The following DMD variants were observed in gnomAD, a reference collection of about 807,000 sequenced individuals.
DMD encodes mutant dystrophin.
DMD carries 63 observed loss-of-function variants against 330.1 expected under a neutral mutation model. That is an observed-to-expected ratio of 0.19 (90% CI 0.16 to 0.24). The LOEUF is 0.24. Among genes scored for constraint, DMD ranks in the 10% least tolerant of loss-of-function variants. The pLI is 1.00. For missense variants in DMD, 3,344 were observed against 2,684.1 expected, an observed-to-expected ratio of 1.25 and a Z score of -5.43; for synonymous variants, 1,223 against 959.8, an observed-to-expected ratio of 1.27 and a Z score of -5.07.
intron 62 of DMD, among the ~76,000 whole-genome samples, chrX:31,275,622 T>G (rs993503002): frequency 3.7e-4 from 41 of 110,984 alleles, no homozygotes; most frequent in African/African-American, 1.2e-3. Context: ...GAATTAAATT[T>G]GAGGTGGGAA....
At chrX:31,770,969 C>T (rs1335597822) in intron 51 of DMD, among the ~76,000 whole-genome samples, 11 of 111,857 alleles carry the variant, frequency 9.8e-5, no homozygotes, top group African/African-American at 3.6e-4. Context: ...TACTTAGTGG[C>T]AGCTCAATAG....
At chrX:32,859,195 C>T (rs755136602) in intron 2 of DMD, among the ~76,000 whole-genome samples, 1 of 111,179 alleles carries the variant, frequency 9.0e-6, no homozygotes, top group South Asian at 3.8e-4. Flanking sequence ...CGGCCAGGTG[C>T]AGTGGCTCAC....
At chrX:32,583,361 T>C (rs2053873715) in intron 13 of DMD, among the ~76,000 whole-genome samples, 1 of 111,063 alleles carries the variant, frequency 9.0e-6, no homozygotes, top group Non-Finnish European at 1.9e-5. Context: ...TAGCCAGGCA[T>C]GATGGTGGGC....
At chrX:31,815,860 G>A (rs192864226) in intron 50 of DMD, among the ~76,000 whole-genome samples, 6 of 111,483 alleles carry the variant, frequency 5.4e-5, no homozygotes, top group East Asian at 2.8e-4. Context: ...GCTTCCACCC[G>A]CCCTCTCTTG....
At chrX:31,880,844 T>C (rs186309366) in intron 47 of DMD, among the ~76,000 whole-genome samples, 23 of 112,593 alleles carry the variant, frequency 2.0e-4, no homozygotes, top group African/African-American at 7.1e-4. Flanking sequence ...CAGTATGCAA[T>C]ACTTGATAAT....
chrX:32,575,568 G>A (rs1266788806), intron 13 of DMD, among the ~76,000 whole-genome samples: 2 of 112,242 alleles, frequency 1.8e-5, no homozygotes, highest in Non-Finnish European at 3.8e-5. Flanking sequence ...TAATTATTAC[G>A]AAGCAGTATA....
In DMD at chrX:31,595,572, C is replaced by T. The variant is rs1010257474; in HGVS notation, c.8217+32101G>A. On this transcript the variant is annotated intron_variant, in intron 55 of 78. Coordinates refer to ENST00000357033, the MANE Select transcript of DMD (RefSeq NM_004006.3). ...GAGGTACCTCAATTTAATGACTCCCCTGAATAAAGTAATTGGTTGAAATTT... is the reference window on the plus strand; with the variant it reads ...GAGGTACCTCAATTTAATGACTCCCTTGAATAAAGTAATTGGTTGAAATTT... Among the ~76,000 whole-genome samples the T allele has an allele frequency of 3.3e-4, 37 of 111,274 alleles. No individual in the cohort carries two copies. Among genetic ancestry groups the T allele is most frequent in the African/African-American group, 1.2e-3 (37 of 30,759 alleles).
intron 1 of DMD, among the ~76,000 whole-genome samples, chrX:33,065,483 G>GCA (rs1337931520): frequency 3.6e-5 from 4 of 112,433 alleles, no homozygotes; most frequent in Non-Finnish European, 5.6e-5. Flanking sequence ...AACATGTGAA[G>GCA]CACTTTAGTA....
At chrX:32,248,223 C>T (rs777117025) in intron 43 of DMD, among the ~76,000 whole-genome samples, 1 of 111,399 alleles carries the variant, frequency 9.0e-6, no homozygotes, top group South Asian at 3.8e-4. Context: ...ACAGCCAATA[C>T]TTATATATGA....
intron 60 of DMD, among the ~76,000 whole-genome samples, chrX:31,436,352 A>T (rs2064528847): frequency 8.9e-6 from 1 of 111,746 alleles, no homozygotes; most frequent in Non-Finnish European, 1.9e-5. Context: ...TTAAATTCAT[A>T]AATATTTCTT....
chrX:31,620,307 G>A (rs113326259), intron 55 of DMD, among the ~76,000 whole-genome samples: 4,472 of 110,690 alleles, frequency 0.04, 220 homozygotes, highest in African/African-American at 0.13. Context: ...AAGGAAAAAT[G>A]AAAATTTCCA....
intron 4 of DMD, among the ~76,000 whole-genome samples, chrX:32,836,058 G>C (rs1188931052): frequency 9.1e-6 from 1 of 109,476 alleles, no homozygotes; most frequent in Non-Finnish European, 1.9e-5. Flanking sequence ...TTGGAGACAA[G>C]TCTTGCTCGA....
intron 41 of DMD, among the ~76,000 whole-genome samples, chrX:32,320,136 C>T (rs1328555434): frequency 9.0e-6 from 1 of 110,931 alleles, no homozygotes; most frequent in Non-Finnish European, 1.9e-5. Context: ...CTTCTGTTGC[C>T]TTGTGGATCT....
intron 7 of DMD, among the ~76,000 whole-genome samples, chrX:32,786,505 T>A (rs2075371671): frequency 9.0e-6 from 1 of 111,534 alleles, no homozygotes; most frequent in Non-Finnish European, 1.9e-5. Flanking sequence ...TAAACATCCT[T>A]CTACTTTAAT....
At chrX:33,077,984 T>C (rs2094871358) in intron 1 of DMD, among the ~76,000 whole-genome samples, 1 of 112,412 alleles carries the variant, frequency 8.9e-6, no homozygotes, top group Non-Finnish European at 1.9e-5. Flanking sequence ...GCAAGAATAA[T>C]TATTTTTCAC....
chrX:33,006,166 C>G (rs1232142279), intron 2 of DMD, among the ~76,000 whole-genome samples: 1 of 111,638 alleles, frequency 9.0e-6, no homozygotes, highest in Admixed American at 9.6e-5. Flanking sequence ...GAAGTCAGTT[C>G]TCCTCAAGTT....
At chrX:31,434,473 C>CACACAT (rs1491178219) in intron 60 of DMD, among the ~76,000 whole-genome samples, 1 of 91,089 alleles carries the variant, frequency 1.1e-5, no homozygotes, top group Non-Finnish European at 2.3e-5. Flanking sequence ...CACACACACA[C>CACACAT]ATTTAGGTCC....
At chrX:31,351,332 A>G (rs758462177) in intron 60 of DMD, among the ~76,000 whole-genome samples, 1 of 111,350 alleles carries the variant, frequency 9.0e-6, no homozygotes, top group South Asian at 3.8e-4. Flanking sequence ...GAATTAAATA[A>G]GATGATACAA....
At chrX:31,167,215 A>G (rs2039512361) in intron 74 of DMD, among the ~76,000 whole-genome samples, 1 of 111,689 alleles carries the variant, frequency 9.0e-6, no homozygotes, top group African/African-American at 3.3e-5. Context: ...CAGTTCTACC[A>G]CTGGCTGACT....
Sources: allele counts gnomAD v4.1 joint callset (sites outside exome capture counted in the v4.1 genomes callset), GRCh38; gene constraint gnomAD v4.1.1; transcripts MANE v1.5; gene names NCBI Gene and HGNC (gene_info 2026-07-23, HGNC 2026-07-21).